Variants in ZRANB1 observed in about 807,000 individuals in gnomAD.
The protein encoded by ZRANB1 is zinc finger RANBP2-type containing 1, also known as ubiquitin thioesterase ZRANB1.
In ZRANB1, 16 loss-of-function variants were observed where a neutral mutation model predicts 80.5. The ratio of observed to expected loss-of-function variants is 0.20; its 90% confidence interval spans 0.13 to 0.30. ZRANB1 has a LOEUF of 0.30. ZRANB1 is among the 10% of genes least tolerant of loss of function. ZRANB1 has a pLI of 1.00. For synonymous variants in ZRANB1, 291 were observed against 293.1 expected (o/e 0.99, Z 0.07); for missense variants, 576 against 862.6 (o/e 0.67, Z 4.16).
intron 8 of ZRANB1, 43 bp from the exon 9 acceptor site, chr10:124,984,731 T>C (rs779103265): frequency 6.3e-7 from 1 of 1,583,868 alleles, no homozygotes; most frequent in Non-Finnish European, 8.6e-7. Context: ...AAGTCTCTGA[T>C]CTGTTGTATG....
intron 1 of ZRANB1, among the ~76,000 whole-genome samples, chr10:124,963,552 TTG>T (rs370080749): frequency 0.014 from 1,433 of 103,420 alleles, 5 homozygotes; most frequent in Non-Finnish European, 0.019. Context: ...TTTTTTTTGT[TTG>T]TTTTTTTTTT....
the ZRANB1 span, among the ~76,000 whole-genome samples, chr10:124,933,293 T>C: frequency 0.96 from 146,381 of 151,832 alleles, 70,666 homozygotes; most frequent in Non-Finnish European, 0.99. Context: ...CGCGCCACCA[T>C]GCCCAGCTAA....
chr10:124,964,498 T>C (rs1479978332), intron 1 of ZRANB1, among the ~76,000 whole-genome samples: 1 of 152,190 alleles, frequency 6.6e-6, no homozygotes, highest in Non-Finnish European at 1.5e-5. Flanking sequence ...AGGAAGTTAT[T>C]TGGTGCTTAG....
intron 1 of ZRANB1, among the ~76,000 whole-genome samples, chr10:124,965,143 C>G (rs1951766578): frequency 6.6e-6 from 1 of 152,128 alleles, no homozygotes; most frequent in Non-Finnish European, 1.5e-5. Flanking sequence ...TTTGACTTCT[C>G]TAGGGTACAC....
intron 3 of ZRANB1, 89 bp downstream of exon 3, chr10:124,972,207 C>A: frequency 1.5e-6 from 2 of 1,305,706 alleles, no homozygotes; most frequent in Non-Finnish European, 2.1e-6. Flanking sequence ...TGTTAGAAAG[C>A]ACATAACATA....
At chr10:124,969,325 A>G (rs1280650660) in intron 2 of ZRANB1, among the ~76,000 whole-genome samples, 1 of 152,194 alleles carries the variant, frequency 6.6e-6, no homozygotes, top group Non-Finnish European at 1.5e-5. Flanking sequence ...TTCCAGGCAA[A>G]GAGCAAAATT....
intron 1 of ZRANB1, among the ~76,000 whole-genome samples, chr10:124,959,973 C>A (rs981421502): frequency 6.6e-6 from 1 of 152,114 alleles, no homozygotes; most frequent in African/African-American, 2.4e-5. Flanking sequence ...ATTGGCAAAA[C>A]TTGGAAGAAT....
At chr10:124,938,957 A>G (rs1171482166), upstream of ZRANB1, among the ~76,000 whole-genome samples, 1 of 151,936 alleles carries the variant, frequency 6.6e-6, no homozygotes, top group Admixed American at 6.6e-5. Flanking sequence ...CAGGTGGATC[A>G]CTTGAGGCCA....
the ZRANB1 span, among the ~76,000 whole-genome samples, chr10:124,921,040 G>T: frequency 6.6e-6 from 1 of 152,198 alleles, no homozygotes; most frequent in South Asian, 2.1e-4. Flanking sequence ...TTAAAAATTT[G>T]GTTGGTATGT....
chr10:124,949,657 G>A (rs7092008), intron 1 of ZRANB1, among the ~76,000 whole-genome samples: 23,745 of 151,540 alleles, frequency 0.16, 1,913 homozygotes, highest in East Asian at 0.21. Flanking sequence ...TAGTAGCTGG[G>A]CGTACAGGTG....
In ZRANB1 at chr10:124,974,351, A is replaced by C; in HGVS notation, c.1380A>C (p.Ser460=). The change falls in exon 5 of 9, where the codon TCA becomes TCC. Residue 460 remains serine, a synonymous_variant. Transcript: ENST00000359653. The stretch of plus-strand genomic sequence containing the variant: ...CCTGGGGCATCTATGACAAGGACTC[A>C]GTGCTTCGGAAAGCCCTGCATGACA... ...QATWGIYDKD[S]VLRKALHDSL... is the part of the protein sequence containing the mutation. 1 of 1,614,278 alleles carries C rather than the reference A, an allele frequency of 6.2e-7. No individual in the cohort carries two copies. The highest frequency in any genetic ancestry group is 1.3e-5 in the African/African-American group (1 of 75,080).
intron 1 of ZRANB1, among the ~76,000 whole-genome samples, chr10:124,959,422 T>A (rs372253772): frequency 6.6e-5 from 10 of 151,896 alleles, no homozygotes; most frequent in African/African-American, 2.2e-4. Flanking sequence ...CTTAACCTGG[T>A]TAAGGAATTT....
At chr10:124,975,193 T>G (rs1358341318) in intron 5 of ZRANB1, among the ~76,000 whole-genome samples, 1 of 152,064 alleles carries the variant, frequency 6.6e-6, no homozygotes, top group Non-Finnish European at 1.5e-5. Flanking sequence ...CATTTTTTAT[T>G]TTGCAAATTT....
intron 1 of ZRANB1, among the ~76,000 whole-genome samples, chr10:124,949,706 A>G (rs1482293928): frequency 6.6e-6 from 1 of 152,088 alleles, no homozygotes; most frequent in East Asian, 1.9e-4. Flanking sequence ...AATGATTTGT[A>G]GAGATGGGGT....
rs907057667 is a variant in ZRANB1, at chr10:124,986,228, G to A, written c.*1236G>A. ...ACAGAAATATTTGGTGTCCTGATAA[G>A]CACTTTCTAGACTATTGATGTGGCC... On this transcript the variant is annotated 3_prime_UTR_variant, in exon 9 of 9. Transcript: ENST00000359653. The A allele has an allele frequency of 2.6e-5, 4 of 151,702 alleles. No homozygotes were observed. Among genetic ancestry groups the A allele is most frequent in the African/African-American group, 4.9e-5 (2 of 41,174 alleles). 9.4% of individuals were successfully genotyped at this position (151,702 alleles called of 1,614,324 possible). A position where few individuals can be genotyped will look rare whatever the true frequency, so the allele number is the denominator to read the frequency against.
the ZRANB1 span, among the ~76,000 whole-genome samples, chr10:124,935,345 TA>T: frequency 6.6e-6 from 1 of 152,240 alleles, no homozygotes. Flanking sequence ...ACATGAATCT[TA>T]GTCCAAAAAC....
intron 1 of ZRANB1, among the ~76,000 whole-genome samples, chr10:124,964,567 T>TA (rs1421492097): frequency 6.6e-6 from 1 of 152,226 alleles, no homozygotes; most frequent in African/African-American, 2.4e-5. Flanking sequence ...ACACATATAG[T>TA]ACAAAACACC....
intron 1 of ZRANB1, among the ~76,000 whole-genome samples, chr10:124,953,810 C>A (rs1481715621): frequency 2.0e-5 from 3 of 152,150 alleles, no homozygotes; most frequent in African/African-American, 7.2e-5. Flanking sequence ...AGATCAACAT[C>A]TGTGAGTTTA....
chr10:124,933,950 T>A, the ZRANB1 span, among the ~76,000 whole-genome samples: 1 of 152,242 alleles, frequency 6.6e-6, no homozygotes, highest in Non-Finnish European at 1.5e-5. Flanking sequence ...TTTGACACAA[T>A]GTAAGTTAAC....
Sources: allele counts gnomAD v4.1 joint callset (sites outside exome capture counted in the v4.1 genomes callset), GRCh38; gene constraint gnomAD v4.1.1; transcripts MANE v1.5; gene names NCBI Gene and HGNC (gene_info 2026-07-23, HGNC 2026-07-21).